The following PRKAR2A variants were observed in gnomAD, a reference collection of about 807,000 sequenced individuals.
PRKAR2A encodes the protein protein kinase cAMP-dependent type II regulatory subunit alpha.
A neutral mutation model predicts 51.9 loss-of-function variants in PRKAR2A; 29 were observed. The observed-to-expected ratio is 0.56, with a 90% CI of 0.42 to 0.76. The LOEUF is 0.76. Among genes scored for constraint, PRKAR2A ranks in the 30% least tolerant of loss-of-function variants. PRKAR2A has a pLI of 0.00. For synonymous variants in PRKAR2A, 178 were observed against 186.2 expected (o/e 0.96, Z 0.36); for missense variants, 445 against 512.1 (o/e 0.87, Z 1.26).
intron 1 of PRKAR2A, among the ~76,000 whole-genome samples, chr3:48,830,015 T>C (rs1466943594): frequency 2.0e-5 from 3 of 149,444 alleles, no homozygotes; most frequent in South Asian, 2.1e-4. Flanking sequence ...CTGGCTAACA[T>C]GGAGAAACCC....
chr3:48,835,109 CTACAGATG>C (rs2083259404), intron 1 of PRKAR2A, among the ~76,000 whole-genome samples: 1 of 151,910 alleles, frequency 6.6e-6, no homozygotes, highest in African/African-American at 2.4e-5. Flanking sequence ...GTTGCTGGGA[CTACAGATG>C]TACACCACCA....
chr3:48,782,869 G>C, intron 5 of PRKAR2A, 117 bp downstream of exon 5: 1 of 699,534 alleles, frequency 1.4e-6, no homozygotes, highest in Non-Finnish European at 2.5e-6. Context: ...GCTTTGGGAA[G>C]CTTGTTCACC....
chr3:48,779,552 G>A (rs138320948), intron 5 of PRKAR2A, among the ~76,000 whole-genome samples: 91 of 151,762 alleles, frequency 6.0e-4, no homozygotes, highest in African/African-American at 2.1e-3. Flanking sequence ...AGGCCAAGGC[G>A]GGTGGATTGC....
intron 6 of PRKAR2A, among the ~76,000 whole-genome samples, chr3:48,769,754 G>C (rs1307009218): frequency 1.3e-5 from 2 of 151,556 alleles, no homozygotes; most frequent in African/African-American, 4.8e-5. Context: ...GGGATTACAG[G>C]CACGAGCCAC....
intron 1 of PRKAR2A, among the ~76,000 whole-genome samples, chr3:48,823,946 G>A (rs1456122587): frequency 6.6e-6 from 1 of 152,132 alleles, no homozygotes; most frequent in Non-Finnish European, 1.5e-5. Flanking sequence ...AAGGGCCAGG[G>A]CCGGGTATGG....
intron 9 of PRKAR2A, among the ~76,000 whole-genome samples, chr3:48,756,169 A>C (rs112273378): frequency 3.3e-5 from 5 of 152,330 alleles, no homozygotes; most frequent in African/African-American, 1.2e-4. Context: ...CAGCAGAGGC[A>C]AAGGGAGCAA....
intron 1 of PRKAR2A, among the ~76,000 whole-genome samples, chr3:48,832,311 C>CA (rs768304256): frequency 0.034 from 4,612 of 135,658 alleles, 106 homozygotes; most frequent in Non-Finnish European, 0.057. Flanking sequence ...AAAAAAAAAA[C>CA]AAAAAAAAAC....
chr3:48,806,891 C>T (rs1326292285), intron 2 of PRKAR2A, among the ~76,000 whole-genome samples: 2 of 151,986 alleles, frequency 1.3e-5, no homozygotes, highest in Non-Finnish European at 2.9e-5. Flanking sequence ...CTGCCTCAGC[C>T]TCCCAAGTAG....
intron 8 of PRKAR2A, 44 bp downstream of exon 8, chr3:48,764,960 A>G (rs1160816166): frequency 6.4e-7 from 1 of 1,550,606 alleles, no homozygotes; most frequent in Non-Finnish European, 8.9e-7. Flanking sequence ...CTAGTTCTTC[A>G]GGGGTGACTT....
intron 1 of PRKAR2A, among the ~76,000 whole-genome samples, chr3:48,811,945 G>A (rs1367386467): frequency 6.6e-6 from 1 of 152,004 alleles, no homozygotes; most frequent in South Asian, 2.1e-4. Flanking sequence ...GTAGATGAGC[G>A]GTAGGCTGGG....
chr3:48,811,966 G>C (rs1012138804), intron 1 of PRKAR2A, among the ~76,000 whole-genome samples: 4 of 152,074 alleles, frequency 2.6e-5, no homozygotes, highest in Non-Finnish European at 5.9e-5. Flanking sequence ...GCTGCAGGGG[G>C]AATGGGGAGT....
chr3:48,781,694 G>C (rs2107284659), intron 5 of PRKAR2A, among the ~76,000 whole-genome samples: 1 of 152,148 alleles, frequency 6.6e-6, no homozygotes, highest in Non-Finnish European at 1.5e-5. Flanking sequence ...TGTATTTTTA[G>C]TAGAGACGGA....
intron 8 of PRKAR2A, 90 bp from the exon 9 acceptor site, chr3:48,756,534 T>C: frequency 1.1e-6 from 1 of 923,896 alleles, no homozygotes; most frequent in Admixed American, 2.0e-5. Context: ...TAAGCTCTGA[T>C]TTGTATTTAT....
intron 8 of PRKAR2A, among the ~76,000 whole-genome samples, chr3:48,757,138 CAG>C (rs1419260586): frequency 1.3e-5 from 2 of 152,066 alleles, no homozygotes; most frequent in African/African-American, 4.8e-5. Context: ...GAGCCAGAGG[CAG>C]AGTCACAAAG....
intron 7 of PRKAR2A, 58 bp downstream of exon 7, chr3:48,765,190 A>G: frequency 6.4e-7 from 1 of 1,551,396 alleles, no homozygotes; most frequent in Non-Finnish European, 8.9e-7. Flanking sequence ...TAACAACAGA[A>G]TAGTTTTAAA....
At position 48,765,009 on chromosome 3, in the gene PRKAR2A, T is replaced by C; in HGVS notation, c.868A>G (p.Thr290Ala). 1 of 1,613,866 alleles carries C rather than the reference T, an allele frequency of 6.2e-7. No individual in the cohort carries two copies. Among genetic ancestry groups the C allele is most frequent in the Non-Finnish European group, 8.5e-7 (1 of 1,179,772 alleles). Residue 290 changes from threonine (T) to alanine (A), a missense_variant, in exon 8 of 11, where the codon ACT (threonine) becomes GCT (alanine). Transcript: ENST00000265563. ...KIYKDGERII[T>A]QGEKADSFYI... ...TGCGTAAAGCCCTCACTCACCTGAG[T>C]GATTATGCGTTCTCCATCCTTATAG...
chr3:48,764,867 C>A (rs1329556184), intron 8 of PRKAR2A, 137 bp downstream of exon 8: 1 of 678,362 alleles, frequency 1.5e-6, no homozygotes, highest in African/African-American at 1.8e-5. Context: ...TCAAGTGATC[C>A]ACCTGCCTCA....
chr3:48,813,296 G>A (rs1559636542), intron 1 of PRKAR2A, among the ~76,000 whole-genome samples: 1 of 151,854 alleles, frequency 6.6e-6, no homozygotes, highest in Non-Finnish European at 1.5e-5. Context: ...CTAGATATTT[G>A]GGAGGCTGAG....
intron 1 of PRKAR2A, among the ~76,000 whole-genome samples, chr3:48,815,615 C>A (rs1238271368): frequency 6.7e-6 from 1 of 150,332 alleles, no homozygotes; most frequent in Non-Finnish European, 1.5e-5. Flanking sequence ...ATCGCTTGAA[C>A]CTGGGAGGCG....
Sources: gnomAD v4.1 joint callset for allele counts (sites outside exome capture counted in the v4.1 genomes callset) on GRCh38, gnomAD v4.1.1 for gene constraint, MANE v1.5 for transcripts, NCBI Gene and HGNC (gene_info 2026-07-23, HGNC 2026-07-21) for gene names.